AGBL1: variants seen among roughly 807,000 people sequenced by gnomAD.
AGBL1 encodes the protein cytosolic carboxypeptidase 4.
In AGBL1, 130 loss-of-function variants were observed where a neutral mutation model predicts 118.9. The observed-to-expected ratio is 1.09, with a 90% CI of 0.95 to 1.26. The LOEUF (loss-of-function observed/expected upper bound fraction) is 1.26, where lower values mean the gene tolerates loss of function less well. AGBL1 is among the 50% of genes most tolerant of loss of function. The pLI is 0.00. For synonymous variants in AGBL1, 555 were observed against 478.9 expected, an observed-to-expected ratio of 1.16 and a Z score of -2.08; for missense variants, 1,584 against 1,298.1, an observed-to-expected ratio of 1.22 and a Z score of -3.38.
At chr15:86,634,667 A>G (rs1346303164) in intron 21 of AGBL1, among the ~76,000 whole-genome samples, 4 of 152,190 alleles carry the variant, frequency 2.6e-5, no homozygotes, top group African/African-American at 9.6e-5. Flanking sequence ...TATCCTAAAC[A>G]AACTTGTATA....
At chr15:86,600,635 A>G (rs2084478453) in intron 21 of AGBL1, among the ~76,000 whole-genome samples, 1 of 152,148 alleles carries the variant, frequency 6.6e-6, no homozygotes, top group Admixed American at 6.6e-5. Flanking sequence ...TGGATTGATT[A>G]GGAGAGATCC....
At chr15:86,097,597 G>A (rs919554047) in intron 1 of AGBL1, among the ~76,000 whole-genome samples, 3 of 148,016 alleles carry the variant, frequency 2.0e-5, no homozygotes, top group South Asian at 2.1e-4. Flanking sequence ...GTCTTTCTGT[G>A]CCTGGCTTGT....
At chr15:86,522,292 G>A (rs990073209) in intron 18 of AGBL1, among the ~76,000 whole-genome samples, 3 of 152,102 alleles carry the variant, frequency 2.0e-5, no homozygotes, top group African/African-American at 7.2e-5. Flanking sequence ...AAATAAATCT[G>A]GGGGGAAAGC....
rs142554246 is a variant in AGBL1, at chr15:86,290,307, G to T, written c.2221-4948G>T. On this transcript the variant is annotated intron_variant, in intron 16 of 22. Transcript: ENST00000614907. ...TATTGCTTTTCTGTTTGATTTGGGGGCAGCTGAAGTGTGTCTTCAAGTCCT... is the reference window on the plus strand; with the variant it reads ...TATTGCTTTTCTGTTTGATTTGGGGTCAGCTGAAGTGTGTCTTCAAGTCCT... 8.2e-3 allele frequency among the ~76,000 whole-genome samples: 1,226 copies of T among 149,952 alleles called. 17 individuals are homozygous for T. Among genetic ancestry groups the T allele is most frequent in the African/African-American group, 0.027 (1,091 of 40,930 alleles).
At chr15:87,010,719 C>T (rs577496949) in intron 24 of AGBL1, among the ~76,000 whole-genome samples, 1 of 152,322 alleles carries the variant, frequency 6.6e-6, no homozygotes, top group Admixed American at 6.5e-5. Flanking sequence ...CTAAGCTATG[C>T]TACAGCTGCC....
intron 1 of AGBL1, among the ~76,000 whole-genome samples, chr15:86,135,315 A>G (rs1029457214): frequency 6.6e-6 from 1 of 152,224 alleles, no homozygotes; most frequent in African/African-American, 2.4e-5. Flanking sequence ...TGCTGGGTCC[A>G]TGCTTCTTGT....
intron 17 of AGBL1, among the ~76,000 whole-genome samples, chr15:86,318,696 ATTTTTTTTTTTTT>A (rs57988335): frequency 3.7e-5 from 3 of 81,986 alleles, no homozygotes; most frequent in East Asian, 6.2e-4. Flanking sequence ...TTGATCATAG[ATTTTTTTTTTTTT>A]TTTTTTTTTT....
At chr15:86,932,041 T>G (rs2080612855) in intron 23 of AGBL1, among the ~76,000 whole-genome samples, 2 of 152,148 alleles carry the variant, frequency 1.3e-5, no homozygotes, top group Admixed American at 6.5e-5. Flanking sequence ...TGGAAGGGAT[T>G]TTAAATTTAT....
At chr15:86,188,491 T>A (rs977151914) in intron 5 of AGBL1, among the ~76,000 whole-genome samples, 3 of 152,204 alleles carry the variant, frequency 2.0e-5, no homozygotes, top group Non-Finnish European at 4.4e-5. Context: ...GTAACTAATA[T>A]AGATTTTAAC....
At chr15:86,463,628 G>GTAT (rs1369338328) in intron 18 of AGBL1, among the ~76,000 whole-genome samples, 9 of 152,164 alleles carry the variant, frequency 5.9e-5, no homozygotes, top group African/African-American at 1.9e-4. Context: ...AAGTTGTAAG[G>GTAT]AAGGGGTCCA....
At chr15:86,824,697 T>TAGTAATCA (rs2078983779) in intron 22 of AGBL1, among the ~76,000 whole-genome samples, 1 of 152,114 alleles carries the variant, frequency 6.6e-6, no homozygotes, top group African/African-American at 2.4e-5. Context: ...TTTATAGCTA[T>TAGTAATCA]AGTAATCAAG....
chr15:86,504,912 C>T (rs2082957538), intron 18 of AGBL1, among the ~76,000 whole-genome samples: 1 of 151,546 alleles, frequency 6.6e-6, no homozygotes, highest in African/African-American at 2.4e-5. Context: ...TCATTTAAGC[C>T]TGAAGCCTTC....
At chr15:86,782,921 T>G (rs978813943) in intron 22 of AGBL1, among the ~76,000 whole-genome samples, 1 of 152,216 alleles carries the variant, frequency 6.6e-6, no homozygotes, top group Non-Finnish European at 1.5e-5. Context: ...CAACGTCTGA[T>G]TGAAGGGAAA....
At chr15:86,132,622 C>T (rs182662201) in intron 1 of AGBL1, among the ~76,000 whole-genome samples, 3 of 152,254 alleles carry the variant, frequency 2.0e-5, no homozygotes, top group African/African-American at 7.2e-5. Flanking sequence ...GCCTGCTTTC[C>T]AATCAGCATC....
At chr15:86,950,376 C>T (rs1203556626) in intron 23 of AGBL1, among the ~76,000 whole-genome samples, 1 of 150,470 alleles carries the variant, frequency 6.6e-6, no homozygotes, top group African/African-American at 2.4e-5. Context: ...TAATTAGATT[C>T]ATAGAATTCA....
intron 16 of AGBL1, among the ~76,000 whole-genome samples, chr15:86,293,382 T>G (rs2079579397): frequency 6.6e-6 from 1 of 152,172 alleles, no homozygotes; most frequent in Non-Finnish European, 1.5e-5. Context: ...TTTTCCAGCT[T>G]CTAGAGGCCA....
rs2078040270 is a variant in AGBL1, at chr15:86,208,797, G to A, written c.489-16117G>A. Among the ~76,000 whole-genome samples the A allele has an allele frequency of 2.0e-5, 3 of 152,070 alleles. No individual in the cohort carries two copies. The South Asian group carries it at 6.2e-4, about 32-fold the overall frequency. ...TCCTGGATTCATTGATTTTTTGAAG[G>A]GTTTTTTGTGTCTCTATCTCCTTCG... On this transcript the variant is annotated intron_variant, in intron 5 of 22. Transcript: ENST00000614907.
intron 17 of AGBL1, among the ~76,000 whole-genome samples, chr15:86,372,370 T>C (rs2080983408): frequency 6.6e-6 from 1 of 151,938 alleles, no homozygotes; most frequent in Admixed American, 6.5e-5. Flanking sequence ...TGTCTTTTAT[T>C]TGAGTGTCTC....
chr15:86,926,460 T>C (rs1323246168), intron 23 of AGBL1, among the ~76,000 whole-genome samples: 2 of 152,190 alleles, frequency 1.3e-5, no homozygotes, highest in East Asian at 1.9e-4. Context: ...AGAGACTCCA[T>C]ACAAATAGGT....
Sources: gnomAD v4.1 joint callset for allele counts (sites outside exome capture counted in the v4.1 genomes callset) on GRCh38, gnomAD v4.1.1 for gene constraint, MANE v1.5 for transcripts, NCBI Gene and HGNC (gene_info 2026-07-23, HGNC 2026-07-21) for gene names.